PTPRD: variants seen among roughly 807,000 people sequenced by gnomAD.
PTPRD encodes the protein protein tyrosine phosphatase receptor type D, also known as receptor-type tyrosine-protein phosphatase delta.
A neutral mutation model predicts 214.5 loss-of-function variants in PTPRD; 34 were observed. The observed-to-expected ratio is 0.16, with a 90% CI of 0.12 to 0.21. The LOEUF (loss-of-function observed/expected upper bound fraction) is 0.21. Ranked by LOEUF, PTPRD falls within the 10% of genes least tolerant of loss-of-function variation. The pLI is 1.00. For missense variants in PTPRD, 2,545 were observed against 2,398.7 expected, an observed-to-expected ratio of 1.06 and a Z score of -1.27; for synonymous variants, 1,128 against 845.7, an observed-to-expected ratio of 1.33 and a Z score of -5.79.
chr9:10,388,396 T>C (rs933218367), intron 2 of PTPRD, among the ~76,000 whole-genome samples: 1 of 150,706 alleles, frequency 6.6e-6, no homozygotes, highest in Non-Finnish European at 1.5e-5. Context: ...GAGAAGTGAC[T>C]AAATCTGTCA....
chr9:9,719,577 C>G (rs1470162704), intron 7 of PTPRD, among the ~76,000 whole-genome samples: 3 of 152,094 alleles, frequency 2.0e-5, no homozygotes, highest in Non-Finnish European at 4.4e-5. Flanking sequence ...ATTTGCAGGC[C>G]AGAACAAGGT....
chr9:10,608,873 G>T (rs921282096), intron 2 of PTPRD, among the ~76,000 whole-genome samples: 3 of 151,976 alleles, frequency 2.0e-5, no homozygotes, highest in Non-Finnish European at 4.4e-5. Context: ...TGTATCAGGA[G>T]ACATTTATTT....
chr9:10,180,627 T>C lies in PTPRD; in HGVS notation c.-544-146837A>G, dbSNP rs187347754. Among the ~76,000 whole-genome samples, 73 of 145,958 alleles carry C rather than the reference T, an allele frequency of 5.0e-4. No homozygotes were observed. In the East Asian group the frequency reaches 0.011, roughly 22 times the overall value. Reference sequence around the variant, plus strand: ...TACAAAAAAAAAAAAAAAAAACTCATGGGCTAATTTACTTTATGAACTATA... The same window carrying C: ...TACAAAAAAAAAAAAAAAAAACTCACGGGCTAATTTACTTTATGAACTATA... On this transcript the variant is annotated intron_variant, in intron 3 of 45. Transcript: ENST00000381196.
At chr9:10,357,103 A>C (rs1163470080) in intron 2 of PTPRD, among the ~76,000 whole-genome samples, 1 of 152,228 alleles carries the variant, frequency 6.6e-6, no homozygotes, top group East Asian at 1.9e-4. Context: ...AAAACAAAGC[A>C]GAAAACACTC....
chr9:9,632,924 G>A (rs997979043), intron 7 of PTPRD, among the ~76,000 whole-genome samples: 8 of 152,138 alleles, frequency 5.3e-5, no homozygotes, highest in East Asian at 3.9e-4. Flanking sequence ...AGAAGGAATA[G>A]TAAGATCTAA....
chr9:8,373,490 C>T (rs2082142861), intron 39 of PTPRD, among the ~76,000 whole-genome samples: 1 of 151,918 alleles, frequency 6.6e-6, no homozygotes. Context: ...GAGCCTCAGG[C>T]ACAGCACTTC....
chr9:8,540,923 G>A (rs924182211), intron 14 of PTPRD, among the ~76,000 whole-genome samples: 1 of 152,116 alleles, frequency 6.6e-6, no homozygotes, highest in Non-Finnish European at 1.5e-5. Context: ...ACTGTGGTAG[G>A]TATTTGTTTT....
At chr9:9,862,930 A>G (rs1218872776) in intron 5 of PTPRD, among the ~76,000 whole-genome samples, 1 of 151,642 alleles carries the variant, frequency 6.6e-6, no homozygotes, top group African/African-American at 2.4e-5. Context: ...ATTGAAATTC[A>G]CCTTATTTCA....
intron 5 of PTPRD, among the ~76,000 whole-genome samples, chr9:9,926,519 A>C (rs12004295): frequency 3.3e-5 from 5 of 151,946 alleles, no homozygotes; most frequent in African/African-American, 4.8e-5. Context: ...TACAACAGAG[A>C]AAAAGAGCAG....
At chr9:9,619,231 T>C (rs1456224153) in intron 7 of PTPRD, among the ~76,000 whole-genome samples, 1 of 151,994 alleles carries the variant, frequency 6.6e-6, no homozygotes, top group Non-Finnish European at 1.5e-5. Context: ...GAGGGTTTTA[T>C]GGTTGTTTAA....
At chr9:9,883,379 A>T (rs548876247) in intron 5 of PTPRD, among the ~76,000 whole-genome samples, 1 of 152,242 alleles carries the variant, frequency 6.6e-6, no homozygotes, top group South Asian at 2.1e-4. Context: ...GGGAAAAGAA[A>T]AACAAAAACA....
At chr9:8,720,700 T>G (rs2098484211) in intron 12 of PTPRD, among the ~76,000 whole-genome samples, 1 of 152,162 alleles carries the variant, frequency 6.6e-6, no homozygotes, top group Non-Finnish European at 1.5e-5. Context: ...TTTTTTTAAT[T>G]GAAATTAGAA....
At chr9:9,803,810 G>A (rs768998038) in intron 5 of PTPRD, 6 of 152,038 alleles carry the variant, frequency 3.9e-5, no homozygotes, top group Non-Finnish European at 7.4e-5. Flanking sequence ...CATTTAAAGA[G>A]AAGCTCATAT....
chr9:8,557,594 T>G (rs1296982386), intron 14 of PTPRD, among the ~76,000 whole-genome samples: 6 of 148,952 alleles, frequency 4.0e-5, no homozygotes, highest in South Asian at 2.1e-4. Context: ...AATACAAAAA[T>G]TAGCCAGGCA....
At chr9:9,098,299 C>CG (rs2099786579) in intron 10 of PTPRD, among the ~76,000 whole-genome samples, 1 of 151,944 alleles carries the variant, frequency 6.6e-6, no homozygotes. Context: ...TGTTGTTTCC[C>CG]GGGCTGAAGT....
intron 11 of PTPRD, among the ~76,000 whole-genome samples, chr9:8,818,951 G>A (rs998642240): frequency 5.9e-5 from 9 of 152,118 alleles, no homozygotes; most frequent in African/African-American, 2.2e-4. Flanking sequence ...TAACTAACCA[G>A]GAAAACGACA....
chr9:9,681,584 C>T (rs1595081949), intron 7 of PTPRD, among the ~76,000 whole-genome samples: 2 of 151,850 alleles, frequency 1.3e-5, no homozygotes, highest in East Asian at 1.9e-4. Context: ...GACCTTTTCT[C>T]ACTTTGATAT....
At chr9:10,557,381 C>T (rs1383266506) in intron 2 of PTPRD, among the ~76,000 whole-genome samples, 1 of 152,148 alleles carries the variant, frequency 6.6e-6, no homozygotes, top group East Asian at 1.9e-4. Context: ...CATTCTTTCT[C>T]TCTTTCTCCC....
At chr9:10,347,286 T>G (rs2097101426) in intron 2 of PTPRD, among the ~76,000 whole-genome samples, 2 of 152,208 alleles carry the variant, frequency 1.3e-5, no homozygotes, top group South Asian at 4.1e-4. Context: ...TATTTCTTTG[T>G]AAATAAAATT....
Sources: gnomAD v4.1 joint callset for allele counts (sites outside exome capture counted in the v4.1 genomes callset) on GRCh38, gnomAD v4.1.1 for gene constraint, MANE v1.5 for transcripts, NCBI Gene and HGNC (gene_info 2026-07-23, HGNC 2026-07-21) for gene names.